The following PTPRK variants were observed in gnomAD, a reference collection of about 807,000 sequenced individuals.
PTPRK encodes the protein receptor-type tyrosine-protein phosphatase kappa.
A neutral mutation model predicts 178.0 loss-of-function variants in PTPRK; 75 were observed. That is an observed-to-expected ratio of 0.42 (90% CI 0.35 to 0.51). The LOEUF (loss-of-function observed/expected upper bound fraction) is 0.51, where lower values mean the gene tolerates loss of function less well. PTPRK is among the 20% of genes least tolerant of loss of function. The pLI is 0.02. For missense variants in PTPRK, 1,441 were observed against 1,797.8 expected (o/e 0.80, Z 3.59); for synonymous variants, 637 against 620.6 (o/e 1.03, Z -0.39).
intron 5 of PTPRK, among the ~76,000 whole-genome samples, chr6:128,233,021 C>CCTAAG (rs1196449062): frequency 6.6e-6 from 1 of 152,192 alleles, no homozygotes; most frequent in Non-Finnish European, 1.5e-5. Context: ...AACTGCAGTT[C>CCTAAG]CTAAGCATGC....
At chr6:128,461,274 A>G (rs1849022191) in intron 1 of PTPRK, among the ~76,000 whole-genome samples, 1 of 149,666 alleles carries the variant, frequency 6.7e-6, no homozygotes. Context: ...CAGATGTCCT[A>G]ATGAAAAGCC....
intron 7 of PTPRK, among the ~76,000 whole-genome samples, chr6:128,098,009 T>C (rs969612443): frequency 3.3e-5 from 5 of 152,156 alleles, no homozygotes; most frequent in Admixed American, 2.0e-4. Context: ...GGATTTTCAA[T>C]GCCTCCTTTA....
chr6:128,056,769 G>T (rs528266219), intron 13 of PTPRK, among the ~76,000 whole-genome samples: 1 of 152,244 alleles, frequency 6.6e-6, no homozygotes, highest in East Asian at 1.9e-4. Context: ...ACTCAAGTAA[G>T]AGTTTGAAAA....
chr6:128,097,936 TA>T (rs1347545293), intron 7 of PTPRK, among the ~76,000 whole-genome samples: 1 of 152,090 alleles, frequency 6.6e-6, no homozygotes, highest in Admixed American at 6.6e-5. Flanking sequence ...CTTCATAATA[TA>T]CAGTGTAAAA....
chr6:128,274,098 T>C (rs1310225436), intron 3 of PTPRK, among the ~76,000 whole-genome samples: 3 of 152,178 alleles, frequency 2.0e-5, no homozygotes, highest in Non-Finnish European at 4.4e-5. Context: ...CTCTTCAAAA[T>C]ATTTAAATTA....
chr6:128,320,075 A>T lies in PTPRK; in HGVS notation c.495+1964T>A, dbSNP rs186954967. The stretch of plus-strand genomic sequence containing the variant: ...GGTTCCATGTATTTATTTAGTCATC[A>T]TTTTCTCTGACAAAACATCTCCAAA... On this transcript the variant is annotated intron_variant, in intron 3 of 29. Transcript: ENST00000368226. Among the ~76,000 whole-genome samples, 1,222 of 152,244 alleles carry T rather than the reference A, an allele frequency of 8.0e-3. 9 individuals are homozygous for T. The highest frequency in any genetic ancestry group is 0.012 in the Non-Finnish European group (812 of 67,988).
intron 1 of PTPRK, among the ~76,000 whole-genome samples, chr6:128,487,012 A>C (rs1395476269): frequency 6.6e-6 from 1 of 151,310 alleles, no homozygotes; most frequent in Non-Finnish European, 1.5e-5. Context: ...TTGAATAGTT[A>C]AACCACAGGA....
At chr6:128,130,484 T>C (rs1047636367) in intron 7 of PTPRK, among the ~76,000 whole-genome samples, 8 of 152,200 alleles carry the variant, frequency 5.3e-5, no homozygotes, top group Admixed American at 1.3e-4. Context: ...CCTCTCTTAC[T>C]AAGTCCTAAA....
intron 2 of PTPRK, among the ~76,000 whole-genome samples, chr6:128,381,079 G>C (rs1383209923): frequency 6.6e-6 from 1 of 152,036 alleles, no homozygotes; most frequent in African/African-American, 2.4e-5. Context: ...AATTTTTCCA[G>C]TGTCTCAGCT....
In PTPRK at chr6:127,969,928, GA is replaced by G; in HGVS notation, c.*298del. The G allele has an allele frequency of 2.1e-5, 5 of 233,678 alleles. No homozygotes were observed. Among genetic ancestry groups the G allele is most frequent in the Non-Finnish European group, 3.3e-5 (4 of 122,064 alleles). 14.5% of individuals were successfully genotyped at this position (233,678 alleles called of 1,614,324 possible). ...GGTAGCTGCTCTACTGAAACCATGA[GA>G]AAAAAGGTGGCATGTTCACTGTACA... is the stretch of plus-strand genomic sequence containing the variant. On this transcript the variant is annotated 3_prime_UTR_variant, in exon 30 of 30. Transcript: ENST00000368226.
intron 6 of PTPRK, among the ~76,000 whole-genome samples, chr6:128,205,777 CAAAAAAAAAAAAAAAA>C (rs57003128): frequency 6.6e-5 from 1 of 15,230 alleles, no homozygotes; most frequent in African/African-American, 2.4e-4. Context: ...CATCACAGAC[CAAAAAAAAAAAAAAAA>C]AAAAAAAAAA....
chr6:128,077,806 T>A (rs190894808), intron 11 of PTPRK, among the ~76,000 whole-genome samples: 184 of 152,084 alleles, frequency 1.2e-3, no homozygotes, highest in Middle Eastern at 3.4e-3. Flanking sequence ...TTTGACTTAG[T>A]TCCTAAAAAT....
At chr6:128,113,570 A>G (rs1791017664) in intron 7 of PTPRK, among the ~76,000 whole-genome samples, 1 of 152,024 alleles carries the variant, frequency 6.6e-6, no homozygotes, top group African/African-American at 2.4e-5. Context: ...AATGTGGAGA[A>G]AATTTAAAGT....
At chr6:128,484,045 A>C (rs1043903418) in intron 1 of PTPRK, among the ~76,000 whole-genome samples, 1 of 152,168 alleles carries the variant, frequency 6.6e-6, no homozygotes, top group Non-Finnish European at 1.5e-5. Context: ...ATTCCTCAGA[A>C]ACATATCCTA....
chr6:127,988,700 C>A (rs888688089), intron 21 of PTPRK, among the ~76,000 whole-genome samples: 4 of 151,620 alleles, frequency 2.6e-5, no homozygotes, highest in Admixed American at 1.3e-4. Context: ...TGGCTATGTC[C>A]CTCTGTGTTT....
chr6:128,066,516 A>G (rs558444317), intron 12 of PTPRK, among the ~76,000 whole-genome samples: 8 of 152,136 alleles, frequency 5.3e-5, no homozygotes, highest in Non-Finnish European at 8.8e-5. Context: ...TCTTTAAGAT[A>G]TAATATGACT....
chr6:128,493,621 C>G (rs1313301033), intron 1 of PTPRK, among the ~76,000 whole-genome samples: 4 of 148,532 alleles, frequency 2.7e-5, no homozygotes, highest in Non-Finnish European at 6.0e-5. Flanking sequence ...CACACACACA[C>G]ACACACACAC....
At chr6:128,268,942 A>C (rs1195972293) in intron 3 of PTPRK, among the ~76,000 whole-genome samples, 2 of 152,052 alleles carry the variant, frequency 1.3e-5, no homozygotes, top group Non-Finnish European at 2.9e-5. Context: ...ATTGAGAGAT[A>C]CTTTTCAAGC....
intron 7 of PTPRK, among the ~76,000 whole-genome samples, chr6:128,116,088 C>A (rs1164630395): frequency 6.6e-6 from 1 of 152,034 alleles, no homozygotes; most frequent in Non-Finnish European, 1.5e-5. Context: ...TACAAGATTT[C>A]TTCTACTTCT....
Sources: gnomAD v4.1 joint callset for allele counts (sites outside exome capture counted in the v4.1 genomes callset) on GRCh38, gnomAD v4.1.1 for gene constraint, MANE v1.5 for transcripts, NCBI Gene and HGNC (gene_info 2026-07-23, HGNC 2026-07-21) for gene names.